Variants in EDIL3 observed in about 807,000 individuals in gnomAD.
The protein encoded by EDIL3 is EGF-like repeat and discoidin I-like domain-containing protein 3.
In EDIL3, 37 loss-of-function variants were observed where a neutral mutation model predicts 67.4. The ratio of observed to expected loss-of-function variants is 0.55; its 90% CI spans 0.42 to 0.72. The LOEUF is 0.72. Ranked by LOEUF, EDIL3 falls within the 30% of genes least tolerant of loss-of-function variation. The pLI, the probability that EDIL3 is intolerant of heterozygous loss-of-function variation, is 0.00. For missense variants in EDIL3, 527 were observed against 586.3 expected (o/e 0.90, Z 1.04); for synonymous variants, 195 against 196.3 (o/e 0.99, Z 0.05).
At chr5:84,179,296 C>A (rs1748974154) in intron 4 of EDIL3, among the ~76,000 whole-genome samples, 1 of 152,176 alleles carries the variant, frequency 6.6e-6, no homozygotes, top group Admixed American at 6.5e-5. Flanking sequence ...CTTGGCACCT[C>A]TGGGCCCAAC....
intron 10 of EDIL3, among the ~76,000 whole-genome samples, chr5:83,956,934 A>C (rs1298175829): frequency 1.3e-5 from 2 of 151,714 alleles, no homozygotes; most frequent in African/African-American, 4.8e-5. Context: ...GACGATTTGA[A>C]ATAATATAAT....
At chr5:84,322,494 C>T (rs942599751) in intron 1 of EDIL3, among the ~76,000 whole-genome samples, 6 of 151,662 alleles carry the variant, frequency 4.0e-5, no homozygotes, top group Non-Finnish European at 2.9e-5. Flanking sequence ...TCAGCAAAGT[C>T]GAGGAAAAGA....
chr5:84,316,025 A>G (rs1375751537), intron 1 of EDIL3, among the ~76,000 whole-genome samples: 1 of 152,208 alleles, frequency 6.6e-6, no homozygotes, highest in Non-Finnish European at 1.5e-5. Context: ...TCATAAGTGA[A>G]GGAGAAATAA....
chr5:83,989,030 T>C (rs1325553430), intron 9 of EDIL3, among the ~76,000 whole-genome samples: 1 of 152,152 alleles, frequency 6.6e-6, no homozygotes, highest in African/African-American at 2.4e-5. Context: ...AAATCAAATA[T>C]TAAGTTTTTT....
At chr5:84,364,498 T>C (rs1214767515) in intron 1 of EDIL3, among the ~76,000 whole-genome samples, 1 of 152,156 alleles carries the variant, frequency 6.6e-6, no homozygotes, top group Non-Finnish European at 1.5e-5. Flanking sequence ...ATCTCCATGA[T>C]CTTCATCCCT....
chr5:84,212,849 T>C (rs342421), intron 3 of EDIL3, among the ~76,000 whole-genome samples: 105,313 of 151,920 alleles, frequency 0.69, 36,727 homozygotes, highest in East Asian at 0.73. Flanking sequence ...GGAAAGAATG[T>C]CTTACGGGAC....
intron 2 of EDIL3, among the ~76,000 whole-genome samples, chr5:84,235,574 T>C (rs1307513350): frequency 6.6e-6 from 1 of 151,988 alleles, no homozygotes; most frequent in Non-Finnish European, 1.5e-5. Context: ...GGCTGTAGCA[T>C]TTTTTTGCTC....
intron 1 of EDIL3, among the ~76,000 whole-genome samples, chr5:84,370,291 A>G (rs540542055): frequency 6.6e-6 from 1 of 152,346 alleles, no homozygotes; most frequent in African/African-American, 2.4e-5. Flanking sequence ...AACTCTAAAC[A>G]GAGCTGTTTA....
At chr5:84,285,387 T>C (rs1478519133) in intron 1 of EDIL3, among the ~76,000 whole-genome samples, 3 of 152,220 alleles carry the variant, frequency 2.0e-5, no homozygotes, top group Non-Finnish European at 4.4e-5. Flanking sequence ...GATTTGCTAA[T>C]CTGAAGCCAG....
intron 9 of EDIL3, among the ~76,000 whole-genome samples, chr5:84,040,468 A>G (rs1404521956): frequency 6.7e-6 from 1 of 150,000 alleles, no homozygotes; most frequent in Admixed American, 6.7e-5. Context: ...ATTGATTTAA[A>G]TTTCATAATT....
At chr5:84,054,721 A>G (rs1746410468) in intron 9 of EDIL3, among the ~76,000 whole-genome samples, 1 of 152,094 alleles carries the variant, frequency 6.6e-6, no homozygotes, top group Admixed American at 6.6e-5. Context: ...TGCTTCAAAG[A>G]GAACAAAATA....
chr5:84,268,605 T>C (rs984218948), intron 1 of EDIL3, among the ~76,000 whole-genome samples: 7 of 152,216 alleles, frequency 4.6e-5, no homozygotes, highest in Non-Finnish European at 1.0e-4. Flanking sequence ...ATAAAGATTT[T>C]CCCTTAGGTT....
Position 84,106,816 on chromosome 5 carries a change from GT to G in EDIL3, c.483del (p.Leu162TrpfsTer41). The G allele has an allele frequency of 1.2e-6, 2 of 1,607,224 alleles. No homozygotes were observed. Among genetic ancestry groups the G allele is most frequent in the Non-Finnish European group, 1.7e-6 (2 of 1,177,568 alleles). ...GRNCQYKCSGPLGIEGGIISN... is the reference protein window; with the variant it reads ...GRNCQYKCSGXLGIEGGIISN... ...GATATAATTCCACCTTCAATTCCCA[GT>G]GGGCCTGAGCATTCTGGAAACAAAA... On this transcript the variant is annotated frameshift_variant, in exon 6 of 11. Transcript: ENST00000296591. LOFTEE classifies it high-confidence loss of function.
intron 4 of EDIL3, among the ~76,000 whole-genome samples, chr5:84,143,722 C>G (rs982357781): frequency 6.6e-6 from 1 of 151,906 alleles, no homozygotes; most frequent in Non-Finnish European, 1.5e-5. Context: ...TGTTATGTCT[C>G]TATAACTCAA....
At chr5:83,993,359 A>G (rs1341945660) in intron 9 of EDIL3, among the ~76,000 whole-genome samples, 3 of 152,206 alleles carry the variant, frequency 2.0e-5, no homozygotes, top group South Asian at 4.1e-4. Context: ...TCTTGACTTT[A>G]TAAAAGGCAT....
chr5:84,151,264 TACACAC>T (rs201338208), intron 4 of EDIL3, among the ~76,000 whole-genome samples: 8 of 129,500 alleles, frequency 6.2e-5, no homozygotes, highest in African/African-American at 1.2e-4. Flanking sequence ...CACACGCACA[TACACAC>T]ACACACACAC....
intron 9 of EDIL3, among the ~76,000 whole-genome samples, chr5:84,026,827 A>G (rs886184835): frequency 9.9e-5 from 15 of 152,150 alleles, no homozygotes; most frequent in Non-Finnish European, 1.9e-4. Context: ...GTAAGAATGT[A>G]TCTTGTCCAG....
intron 1 of EDIL3, among the ~76,000 whole-genome samples, chr5:84,340,134 C>A (rs1381232156): frequency 1.3e-5 from 2 of 151,574 alleles, no homozygotes; most frequent in Non-Finnish European, 2.9e-5. Context: ...GTATTACTGC[C>A]TGTGAATAAA....
intron 9 of EDIL3, among the ~76,000 whole-genome samples, chr5:83,977,871 G>A (rs1273211389): frequency 6.6e-6 from 1 of 151,816 alleles, no homozygotes; most frequent in Non-Finnish European, 1.5e-5. Context: ...AATAAAAGGC[G>A]ATTTCTTTTA....
Sources: allele counts gnomAD v4.1 joint callset (sites outside exome capture counted in the v4.1 genomes callset), GRCh38; gene constraint gnomAD v4.1.1; transcripts MANE v1.5; gene names NCBI Gene and HGNC (gene_info 2026-07-23, HGNC 2026-07-21).